TRIM17: variants seen among roughly 807,000 people sequenced by gnomAD.
TRIM17 encodes the protein tripartite motif containing 17.
In TRIM17, 27 loss-of-function variants were observed where a neutral mutation model predicts 35.8. The ratio of observed to expected loss-of-function variants is 0.75; its 90% CI spans 0.56 to 1.04. The LOEUF is 1.04. Among genes scored for constraint, TRIM17 ranks in the 50% least tolerant of loss-of-function variants. TRIM17 has a pLI of 0.00. For synonymous variants in TRIM17, 246 were observed against 252.6 expected (o/e 0.97, Z 0.25); for missense variants, 582 against 612.8 (o/e 0.95, Z 0.53).
intron 1 of TRIM17, 183 bp downstream of exon 1, chr1:228,416,356 C>G: frequency 1.0e-6 from 1 of 985,554 alleles, no homozygotes. Context: ...GTCCTTCCCG[C>G]TCTGGTCCGC....
intron 3 of TRIM17, among the ~76,000 whole-genome samples, chr1:228,412,871 C>T (rs1435665725): frequency 6.6e-6 from 1 of 152,128 alleles, no homozygotes; most frequent in Non-Finnish European, 1.5e-5. Context: ...TGAGAACCCG[C>T]AGAAGCAGGA....
At position 228,413,782 on chromosome 1, in the gene TRIM17, G is replaced by A; in HGVS notation, c.525+15C>T. 1.2e-6 allele frequency: 2 copies of A among 1,608,112 alleles called. No individual in the cohort carries two copies. Among genetic ancestry groups the A allele is most frequent in the Non-Finnish European group, 8.5e-7 (1 of 1,174,680 alleles). On this transcript the variant is annotated intron_variant, in intron 3 of 6. Coordinates refer to ENST00000366698, the MANE Select transcript of TRIM17 (RefSeq NM_016102.4). ...GCAGCAGCAGGAAAGGGACTGGACA[G>A]CCCTGGGCACCCACCTGCCACTCGG... is the stretch of plus-strand genomic sequence containing the variant.
At position 228,411,232 on chromosome 1, in the gene TRIM17, G is replaced by C. The variant is rs1656770011; in HGVS notation, c.526-56C>G. The C allele has an allele frequency of 1.4e-6, 2 of 1,441,726 alleles. No individual in the cohort carries two copies. The highest frequency in any genetic ancestry group is 1.9e-6 in the Non-Finnish European group (2 of 1,056,308). The allele number at this position is 1,441,726 out of a possible 1,614,324, so 89.3% of individuals were successfully genotyped here. ...CAGCAGGTGGCTCAGCTCCAGGGAT[G>C]CTGGCACCTCTCCCCAGGGCCCTGG... is the stretch of plus-strand genomic sequence containing the variant. On this transcript the variant is annotated intron_variant, in intron 3 of 6. Transcript: ENST00000366698. This position sits in a 1 kb window ranked among gnomAD's most constrained non-coding sequence, Gnocchi z 4.2.
Position 228,410,018 on chromosome 1 carries a change from C to T in TRIM17, c.757-607G>A, listed in dbSNP as rs563005326. Among the ~76,000 whole-genome samples the T allele has an allele frequency of 1.3e-5, 2 of 152,288 alleles. No individual in the cohort carries two copies. Among genetic ancestry groups the T allele is most frequent in the East Asian group, 3.9e-4 (2 of 5,178 alleles). On this transcript the variant is annotated intron_variant, in intron 4 of 6. Transcript: ENST00000366698. This position sits in a 1 kb window ranked among gnomAD's most constrained non-coding sequence, Gnocchi z 4.6. ...GCCCTCTGCTCATAGGAGCACCCTT[C>T]TACCAGCTGCAGGGGCTTTTCCCTC... is the stretch of plus-strand genomic sequence containing the variant.
chr1:228,413,875 GTCC>G lies in TRIM17; in HGVS notation c.444_446del (p.Glu148del). 6.2e-7 allele frequency: 1 copy of G among 1,614,148 alleles called. No individual in the cohort carries two copies. The highest frequency in any genetic ancestry group is 8.5e-7 in the Non-Finnish European group (1 of 1,179,998). On this transcript the variant is annotated inframe_deletion, in exon 3 of 7. Transcript: ENST00000366698. ...TGATCTGCTCCCGAAGGTACTCCATGTCCTCCTCCAGCTTCAACTGTGGGACAC... is the reference window on the plus strand; with the variant it reads ...TGATCTGCTCCCGAAGGTACTCCATGTCCTCCAGCTTCAACTGTGGGACAC...
Position 228,410,135 on chromosome 1 carries a change from A to G in TRIM17, c.757-724T>C, listed in dbSNP as rs866834430. On this transcript the variant is annotated intron_variant, in intron 4 of 6. Coordinates refer to ENST00000366698, the MANE Select transcript of TRIM17 (RefSeq NM_016102.4). This position sits in a 1 kb window ranked among gnomAD's most constrained non-coding sequence, Gnocchi z 4.6. ...TTTTTTTCCTAGATGTGATCTCACC[A>G]TCACCCAGGGTGGAGTGCAGTGGCG... 3.4e-5 allele frequency among the ~76,000 whole-genome samples: 5 copies of G among 147,336 alleles called. No homozygotes were observed. The highest frequency in any genetic ancestry group is 1.3e-4 in the African/African-American group (5 of 39,538).
intron 2 of TRIM17, among the ~76,000 whole-genome samples, chr1:228,414,145 A>C (rs1455464464): frequency 1.3e-5 from 2 of 152,198 alleles, no homozygotes; most frequent in African/African-American, 4.8e-5. Flanking sequence ...CATGCCAGAG[A>C]GGACTGCCCT....
In TRIM17 at chr1:228,408,548, C is replaced by T. The variant is rs746485821; in HGVS notation, c.1087G>A (p.Ala363Thr). The T allele has an allele frequency of 1.7e-5, 27 of 1,614,120 alleles. No individual in the cohort carries two copies. Among genetic ancestry groups the T allele is most frequent in the East Asian group, 8.9e-5 (4 of 44,878 alleles). The part of the protein sequence containing the change: ...WEVGMNITGD[A>T]LWALGVCRDN... ...CTGCACACACCCAGGGCCCACAACG[C>T]GTCCCCGGTGATGTTCATGCCCACC... Residue 363 changes from alanine (A) to threonine (T), a missense_variant, in exon 7 of 7, where the codon GCG becomes ACG. Physicochemically the swap from Ala to Thr is moderately conservative, Grantham distance 58. Coordinates refer to ENST00000366698, the MANE Select transcript of TRIM17 (RefSeq NM_016102.4). This position sits in a 1 kb window ranked among gnomAD's most constrained non-coding sequence, Gnocchi z 6.3.
At chr1:228,415,313 G>A in intron 1 of TRIM17, 200 bp from the exon 2 acceptor site, 1 of 514,196 alleles carries the variant, frequency 1.9e-6, no homozygotes, top group Non-Finnish European at 3.4e-6. Context: ...ATGCTCTGCA[G>A]GCCCCTCCGC....
At chr1:228,409,340 C>A in intron 5 of TRIM17, 49 bp downstream of exon 5, 1 of 1,601,870 alleles carries the variant, frequency 6.2e-7, no homozygotes, top group African/African-American at 1.3e-5. Flanking sequence ...ATTGTCCCCC[C>A]CGCCCACCGC....
intron 1 of TRIM17, chr1:228,415,995 AT>A (rs1189192011): frequency 6.6e-6 from 1 of 152,300 alleles, no homozygotes; most frequent in Non-Finnish European, 1.5e-5. Context: ...GCCCCCTGCA[AT>A]CTCAACACTC....
rs1313466684 is a variant in TRIM17, at chr1:228,416,812, G to T, written c.-315C>A. ...GTGGCTTGGGGAAGGAAGGCGGCAG[G>T]GGGTGGAAGGCTCTGGACGAGCCGG... On this transcript the variant is annotated 5_prime_UTR_variant, in exon 1 of 7. Coordinates refer to ENST00000366698, the MANE Select transcript of TRIM17 (RefSeq NM_016102.4). The T allele has an allele frequency of 4.1e-6, 4 of 984,778 alleles. No individual in the cohort carries two copies. The highest frequency in any genetic ancestry group is 6.2e-5 in the Admixed American group (1 of 16,204). The allele number at this position is 984,778 out of a possible 1,614,324, so 61.0% of individuals were successfully genotyped here.
chr1:228,409,140 G>A (rs772413872), intron 6 of TRIM17, 32 bp downstream of exon 6: 2 of 1,613,934 alleles, frequency 1.2e-6, no homozygotes, highest in Non-Finnish European at 1.7e-6. Flanking sequence ...GAGATCCTGG[G>A]TCAGAGGTCC....
intron 1 of TRIM17, chr1:228,415,317 C>T (rs1657042074): frequency 4.0e-6 from 2 of 502,126 alleles, no homozygotes; most frequent in Non-Finnish European, 7.0e-6. Context: ...TCTGCAGGCC[C>T]CTCCGCCTCT....
Position 228,408,763 on chromosome 1 carries a change from C to T in TRIM17, c.884-12G>A, listed in dbSNP as rs374685471. On this transcript the variant is annotated splice_polypyrimidine_tract_variant and intron_variant, in intron 6 of 6. Transcript: ENST00000366698. The surrounding 1 kb of genome is among the most constrained non-coding windows in gnomAD (Gnocchi z 6.3). ...AGGCACCACATCCTCTGTAGATGGG[C>T]GTGGTGGTGGAGAGATGGGGAGAGG... 13 of 1,594,474 alleles carry T rather than the reference C, an allele frequency of 8.2e-6. No homozygotes were observed. The highest frequency in any genetic ancestry group is 2.7e-5 in the African/African-American group (2 of 74,820).
At position 228,411,078 on chromosome 1, in the gene TRIM17, C is replaced by CT; in HGVS notation, c.623dup (p.Thr209AspfsTer80). 6.2e-7 allele frequency: 1 copy of CT among 1,614,100 alleles called. No homozygotes were observed. Among genetic ancestry groups the CT allele is most frequent in the South Asian group, 1.1e-5 (1 of 91,084 alleles). ...TGCTGGCAGTCTCCTCTTCTTCCGT[C>CT]TCCAGAGCCTGGAGGAGCCTCTGCT... On this transcript the variant is annotated frameshift_variant, in exon 4 of 7. Coordinates refer to ENST00000366698, the MANE Select transcript of TRIM17 (RefSeq NM_016102.4). LOFTEE classifies it high-confidence loss of function. The surrounding 1 kb of genome is among the most constrained non-coding windows in gnomAD (Gnocchi z 4.2).
rs1656612794 is a variant in TRIM17 at position 228,408,919 on chromosome 1, G to A, written c.884-168C>T. 1 of 1,486,646 alleles carries A rather than the reference G, an allele frequency of 6.7e-7. No homozygotes were observed. The highest frequency in any genetic ancestry group is 2.5e-5 in the East Asian group (1 of 40,424). The allele number at this position is 1,486,646 out of a possible 1,614,324, so 92.1% of individuals were successfully genotyped here. ...TACTTGATGCTTCCACACACCAATT[G>A]TGTGTGGGCCTTGGTGGCAATAAGG... On this transcript the variant is annotated intron_variant, in intron 6 of 6. Transcript: ENST00000366698. This position sits in a 1 kb window ranked among gnomAD's most constrained non-coding sequence, Gnocchi z 6.3.
Position 228,414,781 on chromosome 1 carries a change from G to T in TRIM17, c.292C>A (p.Leu98Met), listed in dbSNP as rs1037770591. 1 of 1,613,218 alleles carries T rather than the reference G, an allele frequency of 6.2e-7. No individual in the cohort carries two copies. Among genetic ancestry groups the T allele is most frequent in the Admixed American group, 1.7e-5 (1 of 60,036 alleles). Residue 98 changes from leucine to methionine, a missense_variant, in exon 2 of 7, where the codon CTG becomes ATG. Coordinates refer to ENST00000366698, the MANE Select transcript of TRIM17 (RefSeq NM_016102.4). ...QQHPGLQKQDLCQEHHEPLKL... is the reference protein window; with the variant it reads ...QQHPGLQKQDMCQEHHEPLKL... ...AGGGGCTCGTGGTGCTCCTGGCACA[G>T]GTCTTGCTTCTGCAGACCAGGATGC... is the stretch of plus-strand genomic sequence containing the variant.
chr1:228,411,025 T>G lies in TRIM17; in HGVS notation c.677A>C (p.Asp226Ala). Reference protein sequence around the residue: ...SRLRESVACLDRQGHSLELLL... With the variant: ...SRLRESVACLARQGHSLELLL... ...CAGCTCCAGAGAGTGACCCTGCCGG[T>G]CCAGGCAGGCCACGCTCTCCCGGAG... Residue 226 changes from aspartate (D) to alanine (A), a missense_variant, in exon 4 of 7, where the codon GAC (aspartate) becomes GCC (alanine). Asp to Ala is a moderately radical substitution (Grantham distance 126). Coordinates refer to ENST00000366698, the MANE Select transcript of TRIM17 (RefSeq NM_016102.4). This position sits in a 1 kb window ranked among gnomAD's most constrained non-coding sequence, Gnocchi z 4.2. 1 of 1,613,066 alleles carries G rather than the reference T, an allele frequency of 6.2e-7. No individual in the cohort carries two copies. The highest frequency in any genetic ancestry group is 8.5e-7 in the Non-Finnish European group (1 of 1,179,802).
Sources: allele counts gnomAD v4.1 joint callset (sites outside exome capture counted in the v4.1 genomes callset), GRCh38; gene constraint gnomAD v4.1.1; non-coding constraint Gnocchi (gnomAD v3.1); transcripts MANE v1.5; gene names NCBI Gene and HGNC (gene_info 2026-07-23, HGNC 2026-07-21).